Variants in THEMIS observed in about 807,000 individuals in gnomAD.
The protein encoded by THEMIS is thymocyte selection associated.
Under a neutral mutation model 52.6 loss-of-function variants are expected in THEMIS, and 37 were observed. The ratio of observed to expected loss-of-function variants is 0.70; its 90% CI spans 0.54 to 0.93. The LOEUF (loss-of-function observed/expected upper bound fraction) is 0.93, where lower values mean the gene tolerates loss of function less well. THEMIS is among the 40% of genes least tolerant of loss of function. The probability of loss-of-function intolerance (pLI) is 0.00; values close to 1 mark genes in which losing one functional copy is unlikely to be tolerated. For missense variants in THEMIS, 808 were observed against 763.1 expected (o/e 1.06, Z -0.69); for synonymous variants, 292 against 272.7 (o/e 1.07, Z -0.70).
chr6:127,752,877 A>G (rs1027803449), intron 4 of THEMIS, among the ~76,000 whole-genome samples: 11 of 151,946 alleles, frequency 7.2e-5, no homozygotes, highest in African/African-American at 2.7e-4. Context: ...CAAAAAATAG[A>G]AAACCACAGG....
chr6:127,723,261 AAGACTTCAACTTGTTTTACCTGCC>A (rs1774425503), intron 4 of THEMIS, among the ~76,000 whole-genome samples: 1 of 151,924 alleles, frequency 6.6e-6, no homozygotes, highest in Non-Finnish European at 1.5e-5. Flanking sequence ...TTCAATCTGG[AAGACTTCAACTTGTTTTACCTGCC>A]AGACTTCAAC....
At chr6:127,769,374 A>G (rs1432212245) in intron 4 of THEMIS, among the ~76,000 whole-genome samples, 1 of 145,662 alleles carries the variant, frequency 6.9e-6, no homozygotes, top group African/African-American at 2.5e-5. Flanking sequence ...TGTTTTTAGT[A>G]TCTTGCTTGG....
intron 1 of THEMIS, among the ~76,000 whole-genome samples, chr6:127,910,476 C>G (rs1038208359): frequency 6.6e-6 from 1 of 152,058 alleles, no homozygotes; most frequent in Non-Finnish European, 1.5e-5. Flanking sequence ...ATATTTTTAT[C>G]CATTCCCACA....
At chr6:127,856,716 A>T (rs1256117089) in intron 1 of THEMIS, among the ~76,000 whole-genome samples, 3 of 151,940 alleles carry the variant, frequency 2.0e-5, no homozygotes, top group African/African-American at 7.2e-5. Context: ...GTCTCATACT[A>T]TTCCCTTAAC....
At chr6:127,734,560 G>C (rs1774920026) in intron 4 of THEMIS, among the ~76,000 whole-genome samples, 1 of 152,004 alleles carries the variant, frequency 6.6e-6, no homozygotes. Context: ...ATTTGCTTGT[G>C]TAAGACGTGA....
At chr6:127,736,241 A>T (rs1031658227) in intron 4 of THEMIS, among the ~76,000 whole-genome samples, 2 of 152,134 alleles carry the variant, frequency 1.3e-5, no homozygotes, top group Admixed American at 1.3e-4. Context: ...TGTTTTTATT[A>T]TATATAATTT....
At chr6:127,868,899 G>A (rs1780067231) in intron 1 of THEMIS, among the ~76,000 whole-genome samples, 1 of 152,096 alleles carries the variant, frequency 6.6e-6, no homozygotes, top group African/African-American at 2.4e-5. Context: ...TATGATATAT[G>A]CCAAACAGAA....
At chr6:127,891,243 C>G (rs1281343364) in intron 1 of THEMIS, among the ~76,000 whole-genome samples, 1 of 151,980 alleles carries the variant, frequency 6.6e-6, no homozygotes, top group Non-Finnish European at 1.5e-5. Flanking sequence ...AAAGTCCTTA[C>G]ATTTCGGCCA....
At chr6:127,834,771 C>T (rs1778819241) in intron 2 of THEMIS, among the ~76,000 whole-genome samples, 1 of 152,102 alleles carries the variant, frequency 6.6e-6, no homozygotes, top group African/African-American at 2.4e-5. Context: ...AACATTTAAA[C>T]TCCTTGAAAG....
intron 2 of THEMIS, among the ~76,000 whole-genome samples, chr6:127,834,417 C>CAAAAAAAAAAA (rs34484234): frequency 3.0e-5 from 3 of 99,418 alleles, no homozygotes; most frequent in Non-Finnish European, 6.1e-5. Flanking sequence ...ACTAAAAATA[C>CAAAAAAAAAAA]AAAAAAAAAA....
At chr6:127,892,338 C>G (rs908083898) in intron 1 of THEMIS, among the ~76,000 whole-genome samples, 1 of 152,154 alleles carries the variant, frequency 6.6e-6, no homozygotes, top group Non-Finnish European at 1.5e-5. Flanking sequence ...CAGGTCCCTG[C>G]TCAAATTTCA....
At chr6:127,765,456 T>C (rs2114408502) in intron 4 of THEMIS, among the ~76,000 whole-genome samples, 1 of 152,260 alleles carries the variant, frequency 6.6e-6, no homozygotes, top group Non-Finnish European at 1.5e-5. Flanking sequence ...TGGTAAATTA[T>C]GAATTATTAC....
chr6:127,748,986 G>A (rs1775544028), intron 4 of THEMIS, among the ~76,000 whole-genome samples: 1 of 152,018 alleles, frequency 6.6e-6, no homozygotes, highest in Non-Finnish European at 1.5e-5. Context: ...GGAACTCACA[G>A]TATATCTATA....
At chr6:127,755,637 T>C (rs1775796001) in intron 4 of THEMIS, among the ~76,000 whole-genome samples, 1 of 152,188 alleles carries the variant, frequency 6.6e-6, no homozygotes, top group Non-Finnish European at 1.5e-5. Flanking sequence ...TTTTCAACCC[T>C]AACCCATTCA....
chr6:127,865,728 T>C (rs1286543938), intron 1 of THEMIS, among the ~76,000 whole-genome samples: 2 of 152,152 alleles, frequency 1.3e-5, no homozygotes. Flanking sequence ...ACACTAACAT[T>C]ATATGTTTGA....
intron 2 of THEMIS, among the ~76,000 whole-genome samples, chr6:127,854,246 T>C (rs1779524608): frequency 1.3e-5 from 2 of 151,824 alleles, no homozygotes; most frequent in Admixed American, 1.3e-4. Context: ...GCCATAGCCA[T>C]GCTCATTGGT....
intron 2 of THEMIS, among the ~76,000 whole-genome samples, chr6:127,843,911 G>A (rs570469945): frequency 6.6e-6 from 1 of 151,994 alleles, no homozygotes; most frequent in Non-Finnish European, 1.5e-5. Context: ...CCAAATCACA[G>A]TCAAATCTTC....
chr6:127,829,377 A>T, intron 3 of THEMIS, 99 bp downstream of exon 3: 1 of 959,968 alleles, frequency 1.0e-6, no homozygotes, highest in Non-Finnish European at 1.6e-6. Flanking sequence ...TCAATAGTTG[A>T]AATAAAGACA....
chr6:127,837,535 A>G (rs1398259807), intron 2 of THEMIS, among the ~76,000 whole-genome samples: 1 of 152,032 alleles, frequency 6.6e-6, no homozygotes, highest in Non-Finnish European at 1.5e-5. Flanking sequence ...TCAAAGCACT[A>G]AAACACACCA....
Sources: gnomAD v4.1 joint callset for allele counts (sites outside exome capture counted in the v4.1 genomes callset) on GRCh38, gnomAD v4.1.1 for gene constraint, MANE v1.5 for transcripts, NCBI Gene and HGNC (gene_info 2026-07-23, HGNC 2026-07-21) for gene names.